Variants in GRM7 observed in about 807,000 individuals in gnomAD.
The protein encoded by GRM7 is metabotropic glutamate receptor 7.
GRM7 carries 35 observed loss-of-function variants against 84.5 expected under a neutral mutation model. That is an observed-to-expected ratio of 0.41 (90% CI 0.32 to 0.55). The LOEUF is 0.55. GRM7 is among the 20% of genes least tolerant of loss of function. The pLI, the probability that GRM7 is intolerant of heterozygous loss-of-function variation, is 0.19. For missense variants in GRM7, 1,003 were observed against 1,194.6 expected, an observed-to-expected ratio of 0.84 and a Z score of 2.36; for synonymous variants, 487 against 455.1, an observed-to-expected ratio of 1.07 and a Z score of -0.89.
chr3:7,128,019 A>G (rs972076035), intron 1 of GRM7, among the ~76,000 whole-genome samples: 2 of 151,984 alleles, frequency 1.3e-5, no homozygotes, highest in African/African-American at 2.4e-5. Context: ...TTTTAGAGAG[A>G]TAAAGGTAAA....
intron 2 of GRM7, among the ~76,000 whole-genome samples, chr3:7,271,562 TAAAAAAAAAAAA>T: frequency 1.1e-5 from 1 of 88,786 alleles, no homozygotes; most frequent in East Asian, 3.7e-4. Flanking sequence ...CCGCCTCAAA[TAAAAAAAAAAAA>T]AAAAAAAAAA....
chr3:6,911,785 G>A (rs377387361), intron 1 of GRM7, among the ~76,000 whole-genome samples: 6 of 151,996 alleles, frequency 3.9e-5, no homozygotes, highest in Non-Finnish European at 8.8e-5. Flanking sequence ...TTATTTAAGC[G>A]AAGAGTAAAT....
chr3:7,089,645 T>G (rs1698593254), intron 1 of GRM7, among the ~76,000 whole-genome samples: 1 of 152,068 alleles, frequency 6.6e-6, no homozygotes, highest in Admixed American at 6.5e-5. Context: ...CAGTAACATG[T>G]GAATTGTCTT....
chr3:6,862,468 T>C lies in GRM7; in HGVS notation c.519+561T>C, dbSNP rs1236990821. On this transcript the variant is annotated intron_variant, in intron 1 of 9. Coordinates refer to ENST00000357716, the MANE Select transcript of GRM7 (RefSeq NM_000844.4). This position sits in a 1 kb window ranked among gnomAD's most constrained non-coding sequence, Gnocchi z 5.2. ...AGTCCGCATCTCCCTCGGGCTGATT[T>C]CCCGACCTGTAGCCAGCCTCCGCGA... is the stretch of plus-strand genomic sequence containing the variant. Among the ~76,000 whole-genome samples the C allele has an allele frequency of 6.6e-6, 1 of 152,104 alleles. No homozygotes were observed. The highest frequency in any genetic ancestry group is 1.5e-5 in the Non-Finnish European group (1 of 68,020).
chr3:6,997,955 A>G (rs978964523), intron 1 of GRM7, among the ~76,000 whole-genome samples: 1 of 151,618 alleles, frequency 6.6e-6, no homozygotes, highest in African/African-American at 2.4e-5. Context: ...CCCCATCTCT[A>G]CTAAAAATAT....
At chr3:7,661,065 A>G (rs1699421894) in intron 8 of GRM7, among the ~76,000 whole-genome samples, 1 of 152,242 alleles carries the variant, frequency 6.6e-6, no homozygotes, top group South Asian at 2.1e-4. Context: ...TTTCTTAGGT[A>G]TCATGCCGAA....
chr3:7,003,024 G>C (rs1010977755), intron 1 of GRM7, among the ~76,000 whole-genome samples: 1 of 152,126 alleles, frequency 6.6e-6, no homozygotes, highest in Non-Finnish European at 1.5e-5. Context: ...TTTATATGTT[G>C]AAGCTGAAAA....
At chr3:7,489,706 T>C (rs917189604) in intron 7 of GRM7, among the ~76,000 whole-genome samples, 1 of 151,528 alleles carries the variant, frequency 6.6e-6, no homozygotes, top group Non-Finnish European at 1.5e-5. Context: ...ATACATTGAT[T>C]AATTTATTAG....
intron 1 of GRM7, among the ~76,000 whole-genome samples, chr3:7,035,276 A>G (rs891774107): frequency 1.3e-5 from 2 of 152,176 alleles, no homozygotes; most frequent in Non-Finnish European, 2.9e-5. Flanking sequence ...AAGAAGCCAA[A>G]TTAGGGTTTC....
intron 1 of GRM7, among the ~76,000 whole-genome samples, chr3:7,138,161 CAAAAACA>C (rs930982333): frequency 6.6e-6 from 1 of 151,730 alleles, no homozygotes; most frequent in African/African-American, 2.4e-5. Flanking sequence ...GCTATCTACT[CAAAAACA>C]AAAAACAAAA....
intron 4 of GRM7, among the ~76,000 whole-genome samples, chr3:7,411,970 C>CCCCTG (rs1389962137): frequency 2.0e-5 from 3 of 151,338 alleles, no homozygotes; most frequent in African/African-American, 7.3e-5. Context: ...TCTCTTCTCT[C>CCCCTG]CCCTCCCCTC....
chr3:7,645,544 CTTA>C (rs1559460974), intron 8 of GRM7, among the ~76,000 whole-genome samples: 1 of 74,516 alleles, frequency 1.3e-5, no homozygotes, highest in African/African-American at 7.5e-5. Context: ...AAGACTCCAT[CTTA>C]AAAAAAAAAA....
chr3:6,944,744 A>G (rs1343505700), intron 1 of GRM7, among the ~76,000 whole-genome samples: 2 of 152,126 alleles, frequency 1.3e-5, no homozygotes, highest in Non-Finnish European at 2.9e-5. Flanking sequence ...TTCATGTTGA[A>G]TTGATATTAT....
chr3:7,216,548 G>A (rs1696617910), intron 2 of GRM7, among the ~76,000 whole-genome samples: 1 of 152,090 alleles, frequency 6.6e-6, no homozygotes, highest in Non-Finnish European at 1.5e-5. Context: ...ATTTGAGATT[G>A]CTTTAGAGAT....
chr3:7,146,247 G>C (rs114343354), intron 1 of GRM7, among the ~76,000 whole-genome samples: 464 of 152,292 alleles, frequency 3.0e-3, no homozygotes, highest in Middle Eastern at 0.01. Flanking sequence ...GAAATAAAAA[G>C]GCAAGACGCT....
chr3:7,161,307 T>C (rs921294333), intron 2 of GRM7, among the ~76,000 whole-genome samples: 14 of 151,996 alleles, frequency 9.2e-5, no homozygotes, highest in African/African-American at 3.4e-4. Flanking sequence ...GCCATTTCCT[T>C]AGATATTGGG....
chr3:7,541,015 G>A (rs1014523398), intron 7 of GRM7, among the ~76,000 whole-genome samples: 69 of 152,276 alleles, frequency 4.5e-4, no homozygotes, highest in African/African-American at 1.6e-3. Flanking sequence ...TCACAGATAT[G>A]TTTGTATGTA....
At chr3:7,716,630 C>T (rs1024078278) in intron 9 of GRM7, among the ~76,000 whole-genome samples, 13 of 152,160 alleles carry the variant, frequency 8.5e-5, no homozygotes, top group Non-Finnish European at 1.6e-4. Flanking sequence ...CAGCCCCAGT[C>T]TAGCCTGAAT....
chr3:7,376,383 A>G (rs979910091), intron 4 of GRM7, among the ~76,000 whole-genome samples: 2 of 152,166 alleles, frequency 1.3e-5, no homozygotes, highest in African/African-American at 2.4e-5. Flanking sequence ...AATGCTATGC[A>G]CCTACCCCAC....
Sources: allele counts gnomAD v4.1 joint callset (sites outside exome capture counted in the v4.1 genomes callset), GRCh38; gene constraint gnomAD v4.1.1; non-coding constraint Gnocchi (gnomAD v3.1); transcripts MANE v1.5; gene names NCBI Gene and HGNC (gene_info 2026-07-23, HGNC 2026-07-21).